The following SCHIP1 variants were observed in gnomAD, a reference collection of about 807,000 sequenced individuals.
The protein encoded by SCHIP1 is schwannomin interacting protein 1, also known as schwannomin-interacting protein 1.
A neutral mutation model predicts 29.7 loss-of-function variants in SCHIP1; 8 were observed. The observed-to-expected ratio is 0.27, with a 90% CI of 0.16 to 0.49. SCHIP1 has a LOEUF of 0.49. Ranked by LOEUF, SCHIP1 falls within the 20% of genes least tolerant of loss-of-function variation. The pLI is 0.99. For missense variants in SCHIP1, 193 were observed against 294.6 expected (o/e 0.66, Z 2.52); for synonymous variants, 76 against 94.9 (o/e 0.80, Z 1.16).
chr3:159,596,982 T>A, the SCHIP1 span, among the ~76,000 whole-genome samples: 17 of 141,484 alleles, frequency 1.2e-4, no homozygotes, highest in East Asian at 2.0e-4. Context: ...AAAGCATCTT[T>A]AAAAAAAAAA....
At chr3:159,543,904 G>T in the SCHIP1 span, among the ~76,000 whole-genome samples, 1 of 151,992 alleles carries the variant, frequency 6.6e-6, no homozygotes. Context: ...TTTAATGATT[G>T]CCATAGAACG....
At chr3:159,791,362 G>A in the SCHIP1 span, among the ~76,000 whole-genome samples, 1 of 152,232 alleles carries the variant, frequency 6.6e-6, no homozygotes, top group Non-Finnish European at 1.5e-5. Context: ...ACTAGTAACG[G>A]CAAGAAGCAG....
the SCHIP1 span, among the ~76,000 whole-genome samples, chr3:159,473,064 T>A: frequency 1.3e-5 from 2 of 152,178 alleles, no homozygotes; most frequent in African/African-American, 4.8e-5. Flanking sequence ...GTTTTGTCAA[T>A]GAACTCAGTT....
the SCHIP1 span, among the ~76,000 whole-genome samples, chr3:159,713,666 G>A: frequency 1.3e-5 from 2 of 152,178 alleles, no homozygotes; most frequent in East Asian, 3.9e-4. Context: ...CTTTGATTCA[G>A]GGGGTCTATA....
chr3:159,457,052 T>C, the SCHIP1 span, among the ~76,000 whole-genome samples: 1 of 152,170 alleles, frequency 6.6e-6, no homozygotes, highest in Admixed American at 6.5e-5. Context: ...AGAATTTTTT[T>C]CTCAAATTAC....
chr3:159,449,687 G>T, the SCHIP1 span, among the ~76,000 whole-genome samples: 1 of 152,034 alleles, frequency 6.6e-6, no homozygotes, highest in Non-Finnish European at 1.5e-5. Flanking sequence ...GAAATCTATG[G>T]TCACTATTCA....
chr3:159,432,329 T>TGA, the SCHIP1 span, among the ~76,000 whole-genome samples: 2 of 99,898 alleles, frequency 2.0e-5, no homozygotes, highest in East Asian at 5.5e-4. Context: ...TGTGTGTGTG[T>TGA]GTGTGTGTGT....
chr3:159,316,182 T>C, the SCHIP1 span, among the ~76,000 whole-genome samples: 6 of 151,956 alleles, frequency 3.9e-5, no homozygotes, highest in African/African-American at 1.2e-4. Flanking sequence ...ACAGAACTAA[T>C]AGGATATATA....
chr3:159,328,976 G>A, the SCHIP1 span, among the ~76,000 whole-genome samples: 12 of 152,290 alleles, frequency 7.9e-5, no homozygotes, highest in South Asian at 2.1e-4. Context: ...ATAACATAAT[G>A]TAGGTAAAGC....
the SCHIP1 span, among the ~76,000 whole-genome samples, chr3:159,599,904 C>CT: frequency 6.6e-6 from 1 of 152,160 alleles, no homozygotes; most frequent in Non-Finnish European, 1.5e-5. Context: ...CAGGGTCAGT[C>CT]TATTGGTAAC....
chr3:159,281,224 AT>A, the SCHIP1 span, among the ~76,000 whole-genome samples: 2 of 152,186 alleles, frequency 1.3e-5, no homozygotes, highest in Non-Finnish European at 2.9e-5. Context: ...TTGGAACTTC[AT>A]TTTGGGATTT....
At chr3:159,844,520 C>G (rs1324794216) in intron 1 of SCHIP1, among the ~76,000 whole-genome samples, 1 of 152,160 alleles carries the variant, frequency 6.6e-6, no homozygotes, top group Admixed American at 6.5e-5. Context: ...GGTCTTAGCC[C>G]TGTTAAAAGA....
chr3:159,513,976 A>C, the SCHIP1 span, among the ~76,000 whole-genome samples: 2 of 152,224 alleles, frequency 1.3e-5, no homozygotes, highest in Admixed American at 6.5e-5. Flanking sequence ...AGCATCCTAT[A>C]AAAACAAATT....
the SCHIP1 span, among the ~76,000 whole-genome samples, chr3:159,581,631 A>T: frequency 1.8e-4 from 27 of 152,292 alleles, no homozygotes; most frequent in African/African-American, 6.3e-4. Flanking sequence ...CTCTACAGAG[A>T]AGGGGAGAGC....
chr3:159,596,651 G>C, the SCHIP1 span, among the ~76,000 whole-genome samples: 5 of 152,148 alleles, frequency 3.3e-5, no homozygotes, highest in African/African-American at 1.2e-4. Flanking sequence ...CCTTTGTAGA[G>C]ACATGAATGA....
chr3:159,752,366 A>T, the SCHIP1 span, among the ~76,000 whole-genome samples: 6 of 152,098 alleles, frequency 3.9e-5, no homozygotes, highest in Non-Finnish European at 8.8e-5. Flanking sequence ...TAACCATTTA[A>T]TTTTTTTAAT....
rs1577452539 is a variant in SCHIP1 at position 159,862,848 on chromosome 3, G to A, written c.31-3315G>A. On this transcript the variant is annotated intron_variant, in intron 1 of 6. Transcript: ENST00000445224. Reference sequence around the variant, plus strand: ...TTTTTTTTAAGTGAAAATGTTCAGTGTTAGCCAGGATGTAGTGAAAGCTGC... The same window carrying A: ...TTTTTTTTAAGTGAAAATGTTCAGTATTAGCCAGGATGTAGTGAAAGCTGC... 2.0e-5 allele frequency among the ~76,000 whole-genome samples: 3 copies of A among 152,104 alleles called. No individual in the cohort carries two copies. In the South Asian group the frequency reaches 6.2e-4, roughly 32 times the overall value.
At chr3:159,888,301 T>C (rs1026612627) in intron 4 of SCHIP1, 1 of 225,724 alleles carries the variant, frequency 4.4e-6, no homozygotes, top group Middle Eastern at 1.8e-3. Flanking sequence ...TCCTGGACTT[T>C]GGAGTTTAAG....
the SCHIP1 span, among the ~76,000 whole-genome samples, chr3:159,618,924 C>A: frequency 1.3e-5 from 2 of 152,190 alleles, no homozygotes; most frequent in Non-Finnish European, 2.9e-5. Context: ...CCAAATAAAT[C>A]ACATCATCTC....
Sources: gnomAD v4.1 joint callset for allele counts (sites outside exome capture counted in the v4.1 genomes callset) on GRCh38, gnomAD v4.1.1 for gene constraint, MANE v1.5 for transcripts, NCBI Gene and HGNC (gene_info 2026-07-23, HGNC 2026-07-21) for gene names.